Variants in PRIM2 observed in about 807,000 individuals in gnomAD.
The protein encoded by PRIM2 is DNA primase large subunit.
Under a neutral mutation model 67.3 loss-of-function variants are expected in PRIM2, and 39 were observed. The ratio of observed to expected loss-of-function variants is 0.58; its 90% CI spans 0.45 to 0.76. The LOEUF (loss-of-function observed/expected upper bound fraction) is 0.76. Ranked by LOEUF, PRIM2 falls within the 30% of genes least tolerant of loss-of-function variation. PRIM2 has a pLI of 0.00. For synonymous variants in PRIM2, 143 were observed against 198.7 expected (o/e 0.72, Z 2.36); for missense variants, 398 against 598.7 (o/e 0.66, Z 3.50).
intron 7 of PRIM2, among the ~76,000 whole-genome samples, chr6:57,494,784 C>T (rs1773969206): frequency 6.6e-6 from 1 of 152,112 alleles, no homozygotes; most frequent in South Asian, 2.1e-4. Context: ...TTCCAACATC[C>T]TCAATAATAT....
intron 7 of PRIM2, among the ~76,000 whole-genome samples, chr6:57,466,909 C>T (rs1447188098): frequency 0.033 from 4,952 of 152,066 alleles, 269 homozygotes; most frequent in African/African-American, 0.11. Flanking sequence ...CACCTCAGGT[C>T]GGAAGTTAAG....
the PRIM2 span, among the ~76,000 whole-genome samples, chr6:57,287,091 T>C: frequency 2.0e-5 from 3 of 152,174 alleles, no homozygotes; most frequent in Non-Finnish European, 2.9e-5. Context: ...TGGTAATCGT[T>C]AAAATGTCTG....
intron 5 of PRIM2, among the ~76,000 whole-genome samples, chr6:57,346,937 C>T: frequency 6.6e-6 from 1 of 152,142 alleles, no homozygotes; most frequent in Non-Finnish European, 1.5e-5. Flanking sequence ...TACTCCCCAC[C>T]CCTCTGAAGG....
At chr6:57,282,018 C>A in the PRIM2 span, among the ~76,000 whole-genome samples, 1 of 152,172 alleles carries the variant, frequency 6.6e-6, no homozygotes, top group Non-Finnish European at 1.5e-5. Flanking sequence ...CATGTGCTGG[C>A]AAAGGTCACC....
the PRIM2 span, among the ~76,000 whole-genome samples, chr6:57,295,932 G>A: frequency 6.6e-6 from 1 of 152,154 alleles, no homozygotes; most frequent in South Asian, 2.1e-4. Flanking sequence ...AGGGATGAGG[G>A]GGGAATGGCA....
chr6:57,371,131 T>G lies in PRIM2; in HGVS notation c.460-8770T>G, dbSNP rs575831100. Among the ~76,000 whole-genome samples the G allele has an allele frequency of 9.2e-5, 14 of 151,696 alleles. No homozygotes were observed. In the East Asian group the frequency reaches 2.5e-3, roughly 27 times the overall value. The stretch of plus-strand genomic sequence containing the variant: ...TTATTTAAGTTCTTGAGGTTTGTTT[T>G]TTTTTTTTTTTCAAAATTATATCTT... On this transcript the variant is annotated intron_variant, in intron 5 of 13. Coordinates refer to ENST00000615550, the MANE Select transcript of PRIM2 (RefSeq NM_000947.5).
chr6:57,362,301 C>T (rs534726256), intron 5 of PRIM2, among the ~76,000 whole-genome samples: 1 of 152,132 alleles, frequency 6.6e-6, no homozygotes, highest in African/African-American at 2.4e-5. Flanking sequence ...TTAAAAATTG[C>T]CAAAGATTTG....
At chr6:57,228,858 C>T in the PRIM2 span, among the ~76,000 whole-genome samples, 145,634 of 152,322 alleles carry the variant, frequency 0.96, 69,649 homozygotes, top group South Asian at 0.99. Flanking sequence ...AGTTACCATA[C>T]GTAAAAGCAC....
chr6:57,411,611 T>A (rs1321691908), intron 7 of PRIM2, among the ~76,000 whole-genome samples: 1 of 151,758 alleles, frequency 6.6e-6, no homozygotes, highest in African/African-American at 2.4e-5. Context: ...TTGTTTAAAT[T>A]TTTTAAAATC....
chr6:57,322,527 G>C (rs532742945), intron 3 of PRIM2, among the ~76,000 whole-genome samples: 64 of 152,158 alleles, frequency 4.2e-4, no homozygotes, highest in African/African-American at 1.5e-3. Flanking sequence ...TTTATAAGGG[G>C]CTTTTCCCTA....
intron 8 of PRIM2, among the ~76,000 whole-genome samples, chr6:57,516,064 A>G (rs1774481547): frequency 6.6e-6 from 1 of 151,528 alleles, no homozygotes; most frequent in Admixed American, 6.6e-5. Flanking sequence ...TGTGGGTCCC[A>G]TCTCAGAGCC....
the PRIM2 span, among the ~76,000 whole-genome samples, chr6:57,290,835 G>A: frequency 6.6e-6 from 1 of 152,132 alleles, no homozygotes; most frequent in Non-Finnish European, 1.5e-5. Context: ...CAGAATCTCT[G>A]GGACACATTT....
chr6:57,300,977 C>G, the PRIM2 span, among the ~76,000 whole-genome samples: 71 of 152,252 alleles, frequency 4.7e-4, no homozygotes, highest in African/African-American at 1.7e-3. Context: ...TGCTTTAGGG[C>G]TATTTATTTA....
chr6:57,310,499 T>C (rs1246936640), upstream of PRIM2, among the ~76,000 whole-genome samples: 3 of 152,258 alleles, frequency 2.0e-5, no homozygotes, highest in Non-Finnish European at 4.4e-5. Context: ...TTTCCCCGCA[T>C]TTCTCCCTTT....
chr6:57,499,970 CTTAG>C (rs1438964491), intron 7 of PRIM2, among the ~76,000 whole-genome samples: 2 of 152,134 alleles, frequency 1.3e-5, no homozygotes, highest in South Asian at 2.1e-4. Flanking sequence ...TTAGTTACCT[CTTAG>C]TTAGTTGAAA....
chr6:57,289,925 T>A, the PRIM2 span, among the ~76,000 whole-genome samples: 1 of 152,072 alleles, frequency 6.6e-6, no homozygotes, highest in Non-Finnish European at 1.5e-5. Context: ...TGCTAACATC[T>A]TAATGACAGG....
intron 10 of PRIM2, among the ~76,000 whole-genome samples, chr6:57,592,615 A>G (rs1481727452): frequency 1.3e-5 from 2 of 152,056 alleles, no homozygotes; most frequent in Non-Finnish European, 2.9e-5. Flanking sequence ...GCCAACATGC[A>G]ACATGGTCTC....
At chr6:57,545,470 G>A (rs1188866696) in intron 10 of PRIM2, among the ~76,000 whole-genome samples, 1,590 of 152,140 alleles carry the variant, frequency 0.01, 38 homozygotes, top group South Asian at 0.076. Context: ...CGCTCTTGTT[G>A]CCCAGGCTGG....
intron 12 of PRIM2, among the ~76,000 whole-genome samples, chr6:57,625,498 G>C (rs1214867243): frequency 6.6e-6 from 1 of 152,190 alleles, no homozygotes; most frequent in African/African-American, 2.4e-5. Flanking sequence ...GGATCCAGTG[G>C]CCAGGTAGGA....
Sources: allele counts gnomAD v4.1 joint callset (sites outside exome capture counted in the v4.1 genomes callset), GRCh38; gene constraint gnomAD v4.1.1; transcripts MANE v1.5; gene names NCBI Gene and HGNC (gene_info 2026-07-23, HGNC 2026-07-21).